SGCD: variants seen among roughly 807,000 people sequenced by gnomAD.
SGCD encodes delta-sarcoglycan.
A neutral mutation model predicts 36.6 loss-of-function variants in SGCD; 18 were observed. That is an observed-to-expected ratio of 0.49 (90% CI 0.34 to 0.73). SGCD has a LOEUF of 0.73. Ranked by LOEUF, SGCD falls within the 30% of genes least tolerant of loss-of-function variation. The pLI is 0.01. For missense variants in SGCD, 387 were observed against 346.7 expected (o/e 1.12, Z -0.92); for synonymous variants, 133 against 130.6 (o/e 1.02, Z -0.12).
At chr5:155,859,800 C>A in the SGCD span, among the ~76,000 whole-genome samples, 1 of 152,162 alleles carries the variant, frequency 6.6e-6, no homozygotes, top group African/African-American at 2.4e-5. Context: ...TTATGTGGTA[C>A]AGAGGCTGCC....
chr5:156,443,185 G>A (rs910500262), intron 3 of SGCD, among the ~76,000 whole-genome samples: 3 of 151,950 alleles, frequency 2.0e-5, no homozygotes, highest in Admixed American at 6.6e-5. Flanking sequence ...GGGTTTCACC[G>A]TGTTGGCCAG....
intron 4 of SGCD, among the ~76,000 whole-genome samples, chr5:156,572,734 G>A (rs1759773176): frequency 6.6e-6 from 1 of 152,244 alleles, no homozygotes; most frequent in South Asian, 2.1e-4. Flanking sequence ...CATACTAATT[G>A]AAGCAATCAA....
At chr5:156,292,251 T>C (rs1234704515) in intron 3 of SGCD, among the ~76,000 whole-genome samples, 1 of 152,072 alleles carries the variant, frequency 6.6e-6, no homozygotes, top group Non-Finnish European at 1.5e-5. Flanking sequence ...CTTGCAAAAC[T>C]CAAACCCTAT....
At chr5:156,578,101 T>G (rs1760060954) in intron 4 of SGCD, among the ~76,000 whole-genome samples, 1 of 152,162 alleles carries the variant, frequency 6.6e-6, no homozygotes, top group African/African-American at 2.4e-5. Flanking sequence ...AATACCTAGT[T>G]TATTGAGAGT....
chr5:156,638,345 A>G (rs1205695589), intron 6 of SGCD, among the ~76,000 whole-genome samples: 1 of 152,134 alleles, frequency 6.6e-6, no homozygotes, highest in Non-Finnish European at 1.5e-5. Flanking sequence ...CTCTCCCTCT[A>G]CACTACTGGC....
chr5:156,560,481 A>G (rs909065746), intron 4 of SGCD, among the ~76,000 whole-genome samples: 3 of 152,200 alleles, frequency 2.0e-5, no homozygotes, highest in Non-Finnish European at 4.4e-5. Flanking sequence ...AGGTTTCCAT[A>G]TGATGATGGC....
intron 3 of SGCD, among the ~76,000 whole-genome samples, chr5:156,237,279 G>T (rs372317383): frequency 6.6e-6 from 1 of 152,048 alleles, no homozygotes; most frequent in African/African-American, 2.4e-5. Flanking sequence ...TTTTCTCCTT[G>T]CACCTTATTT....
intron 4 of SGCD, among the ~76,000 whole-genome samples, chr5:156,585,612 G>C (rs926356006): frequency 5.3e-5 from 8 of 152,230 alleles, no homozygotes; most frequent in Non-Finnish European, 1.5e-5. Flanking sequence ...TGTGCAGAGA[G>C]AGCCCTGGGT....
intron 3 of SGCD, among the ~76,000 whole-genome samples, chr5:156,182,137 C>T (rs1269657689): frequency 6.6e-6 from 1 of 152,136 alleles, no homozygotes; most frequent in African/African-American, 2.4e-5. Context: ...GAAATTGACA[C>T]ACTGATTCTA....
At chr5:156,276,051 C>T (rs1386259409) in intron 3 of SGCD, among the ~76,000 whole-genome samples, 1 of 152,084 alleles carries the variant, frequency 6.6e-6, no homozygotes, top group Non-Finnish European at 1.5e-5. Flanking sequence ...ACCTCCCCAG[C>T]CAAGGTTCTG....
At chr5:156,538,105 G>GA (rs112252812) in intron 4 of SGCD, among the ~76,000 whole-genome samples, 61,043 of 148,132 alleles carry the variant, frequency 0.41, 12,608 homozygotes, top group Non-Finnish European at 0.46. Flanking sequence ...AATATATTTG[G>GA]AAAAAAAAAA....
At chr5:156,082,264 G>C (rs1760973930) in intron 1 of SGCD, among the ~76,000 whole-genome samples, 1 of 137,146 alleles carries the variant, frequency 7.3e-6, no homozygotes, top group Non-Finnish European at 1.6e-5. Flanking sequence ...TGTGTAGGCT[G>C]GTGGGCGGGG....
chr5:155,772,432 G>A, the SGCD span, among the ~76,000 whole-genome samples: 2 of 152,158 alleles, frequency 1.3e-5, no homozygotes, highest in Admixed American at 6.5e-5. Flanking sequence ...AAGAGCAGTA[G>A]CAGCCAGGTC....
At chr5:156,650,094 G>A (rs10491464) in intron 7 of SGCD, among the ~76,000 whole-genome samples, 12,654 of 152,126 alleles carry the variant, frequency 0.083, 1,213 homozygotes, top group African/African-American at 0.23. Flanking sequence ...TGCATAGCCT[G>A]AAGAACATGG....
intron 3 of SGCD, among the ~76,000 whole-genome samples, chr5:156,404,650 C>T (rs1772320349): frequency 6.6e-6 from 1 of 152,124 alleles, no homozygotes; most frequent in South Asian, 2.1e-4. Context: ...TATGTATACC[C>T]TTTCTCAAAA....
intron 1 of SGCD, among the ~76,000 whole-genome samples, chr5:156,108,139 G>A (rs1281880842): frequency 6.6e-6 from 1 of 151,990 alleles, no homozygotes; most frequent in African/African-American, 2.4e-5. Flanking sequence ...CCAGTCCTTG[G>A]CACTACCAAT....
chr5:155,754,548 A>G, the SGCD span, among the ~76,000 whole-genome samples: 1 of 152,248 alleles, frequency 6.6e-6, no homozygotes, highest in African/African-American at 2.4e-5. Context: ...CAGCAGAGTC[A>G]CAGGGAACTA....
At chr5:156,744,935 C>T (rs1205450533) in intron 7 of SGCD, among the ~76,000 whole-genome samples, 2 of 152,222 alleles carry the variant, frequency 1.3e-5, no homozygotes, top group African/African-American at 2.4e-5. Context: ...CCAGTCCACC[C>T]TCTGAAAACT....
chr5:156,093,029 C>A (rs2127594711), intron 1 of SGCD, among the ~76,000 whole-genome samples: 1 of 152,324 alleles, frequency 6.6e-6, no homozygotes, highest in Middle Eastern at 3.4e-3. Flanking sequence ...TTTTAATTGG[C>A]TCGGAGAGAT....
Sources: gnomAD v4.1 joint callset for allele counts (sites outside exome capture counted in the v4.1 genomes callset) on GRCh38, gnomAD v4.1.1 for gene constraint, MANE v1.5 for transcripts, NCBI Gene and HGNC (gene_info 2026-07-23, HGNC 2026-07-21) for gene names.